Variants in EPB41L2 observed in about 807,000 individuals in gnomAD.
The protein encoded by EPB41L2 is erythrocyte membrane protein band 4.1 like 2.
A neutral mutation model predicts 113.0 loss-of-function variants in EPB41L2; 43 were observed. The ratio of observed to expected loss-of-function variants is 0.38; its 90% CI spans 0.30 to 0.49. The LOEUF is 0.49. Ranked by LOEUF, EPB41L2 falls within the 20% of genes least tolerant of loss-of-function variation. EPB41L2 has a pLI of 0.95. For missense variants in EPB41L2, 1,147 were observed against 1,223.4 expected (o/e 0.94, Z 0.93); for synonymous variants, 442 against 436.7 (o/e 1.01, Z -0.15).
At chr6:130,882,453 T>C (rs1789622519) in intron 12 of EPB41L2, 1 of 152,614 alleles carries the variant, frequency 6.6e-6, no homozygotes, top group African/African-American at 2.4e-5. Context: ...CACTCTATAT[T>C]AGGAAGGGTT....
At chr6:130,931,005 G>A (rs1216710154) in intron 3 of EPB41L2, among the ~76,000 whole-genome samples, 3 of 152,044 alleles carry the variant, frequency 2.0e-5, no homozygotes, top group Admixed American at 6.6e-5. Context: ...CTGGAAGATA[G>A]ATCTGAAAAA....
chr6:130,885,266 G>A lies in EPB41L2; in HGVS notation c.1663C>T (p.Pro555Ser), dbSNP rs540854380. 6.2e-7 allele frequency: 1 copy of A among 1,614,032 alleles called. No individual in the cohort carries two copies. The highest frequency in any genetic ancestry group is 8.5e-7 in the Non-Finnish European group (1 of 1,179,974). ...AGACTTTGGTCCATGACACCAATCG[G>A]AGCTAGTAAAGAGTGACAATTTTGG... ...KRVSRSLDGA[P>S]IGVMDQSLMK... Residue 555 changes from proline (P) to serine (S), a missense_variant and splice_region_variant, in exon 12 of 20, where the codon CCG (proline) becomes TCG (serine). Pro to Ser is a moderately conservative substitution (Grantham distance 74, BLOSUM62 -1). Coordinates refer to ENST00000337057, the MANE Select transcript of EPB41L2 (RefSeq NM_001431.4).
At chr6:130,897,242 T>C (rs1794934150) in intron 8 of EPB41L2, among the ~76,000 whole-genome samples, 1 of 152,106 alleles carries the variant, frequency 6.6e-6, no homozygotes, top group Admixed American at 6.5e-5. Flanking sequence ...AAAATCTGAT[T>C]TTAAGGCAAT....
In EPB41L2 at chr6:131,061,018, G is replaced by A. The variant is rs189357383; in HGVS notation, c.-15+2137C>T. ...TTTTTAAGGATCACCATGCAACGTA[G>A]ATATATGAAGAGTTCGAGGGACGTG... On this transcript the variant is annotated intron_variant, in intron 1 of 19. Transcript: ENST00000337057. Among the ~76,000 whole-genome samples the A allele has an allele frequency of 1.3e-3, 203 of 152,294 alleles. 1 individual carries two copies. Among genetic ancestry groups the A allele is most frequent in the East Asian group, 1.5e-3 (8 of 5,192 alleles).
chr6:130,848,197 TCTCACA>T (rs1471683312), intron 19 of EPB41L2, among the ~76,000 whole-genome samples: 3,157 of 127,628 alleles, frequency 0.025, 58 homozygotes, highest in African/African-American at 0.057. Context: ...TCTCTCTCTC[TCTCACA>T]CACACACACA....
At chr6:130,953,264 C>T (rs1025233659) in intron 3 of EPB41L2, among the ~76,000 whole-genome samples, 3 of 152,080 alleles carry the variant, frequency 2.0e-5, no homozygotes, top group Admixed American at 2.0e-4. Context: ...CCTAAGACCT[C>T]TCCTCTCTCC....
intron 5 of EPB41L2, among the ~76,000 whole-genome samples, chr6:130,905,909 T>C (rs1797585270): frequency 6.6e-6 from 1 of 152,208 alleles, no homozygotes; most frequent in Non-Finnish European, 1.5e-5. Context: ...AATGCATTTT[T>C]TGCTGGATTT....
At chr6:130,946,345 A>T (rs1379347792) in intron 3 of EPB41L2, among the ~76,000 whole-genome samples, 1 of 152,198 alleles carries the variant, frequency 6.6e-6, no homozygotes, top group Non-Finnish European at 1.5e-5. Context: ...ATCATTTAAA[A>T]ATGCACTGTT....
chr6:130,916,267 GTTAA>G (rs896255972), intron 4 of EPB41L2, among the ~76,000 whole-genome samples: 6 of 151,996 alleles, frequency 3.9e-5, no homozygotes, highest in African/African-American at 1.2e-4. Flanking sequence ...CTTTCTATTA[GTTAA>G]TTAGAGAATC....
chr6:130,861,874 C>CCAAA (rs1554238944), intron 18 of EPB41L2, among the ~76,000 whole-genome samples: 2 of 120,676 alleles, frequency 1.7e-5, no homozygotes, highest in Non-Finnish European at 1.7e-5. Context: ...TCCATCTCCC[C>CCAAA]AAAAAAAAAA....
At chr6:130,871,624 A>G (rs1005675985) in intron 14 of EPB41L2, among the ~76,000 whole-genome samples, 5 of 152,204 alleles carry the variant, frequency 3.3e-5, no homozygotes, top group African/African-American at 9.7e-5. Flanking sequence ...ATTATTCTTA[A>G]ACACATGGTA....
chr6:130,880,084 T>G, intron 13 of EPB41L2, 60 bp downstream of exon 13: 1 of 1,308,676 alleles, frequency 7.6e-7, no homozygotes, highest in South Asian at 1.2e-5. Context: ...AGGCGTGACC[T>G]CCCGTCCACA....
intron 3 of EPB41L2, among the ~76,000 whole-genome samples, chr6:130,953,800 T>C: frequency 6.6e-6 from 1 of 151,964 alleles, no homozygotes; most frequent in Non-Finnish European, 1.5e-5. Flanking sequence ...ACACAGCACT[T>C]GGCCTTTCCA....
At chr6:130,881,192 T>TAGAATAAATAAAC (rs1249121235) in intron 12 of EPB41L2, 1 of 152,208 alleles carries the variant, frequency 6.6e-6, no homozygotes, top group African/African-American at 2.4e-5. Flanking sequence ...GACTCCCTTA[T>TAGAATAAATAAAC]CAAAGGCAAA....
intron 1 of EPB41L2, among the ~76,000 whole-genome samples, chr6:131,044,258 C>T (rs1008770540): frequency 1.3e-5 from 2 of 151,496 alleles, no homozygotes; most frequent in African/African-American, 4.9e-5. Flanking sequence ...ACTCCTGGGC[C>T]GAAGTGATCC....
chr6:130,894,981 C>T lies in EPB41L2; in HGVS notation c.1375G>A (p.Val459Ile). The change falls in exon 9 of 20, where the codon GTC becomes ATC. Residue 459 changes from valine to isoleucine, a missense_variant. Transcript: ENST00000337057. ...TCTTGGCTTACCTCTGCCGGTCTGA[C>T]TTTAATGTAGAAGTTACTGCGTTTA... ...SYKRSNFYIKVRPAELEQFES... is the reference protein window; with the variant it reads ...SYKRSNFYIKIRPAELEQFES... The T allele has an allele frequency of 6.2e-7, 1 of 1,613,590 alleles. No individual in the cohort carries two copies. The highest frequency in any genetic ancestry group is 1.1e-5 in the South Asian group (1 of 91,000).
intron 18 of EPB41L2, among the ~76,000 whole-genome samples, chr6:130,859,510 C>CAA (rs780156217): frequency 1.8e-3 from 187 of 102,564 alleles, no homozygotes; most frequent in Middle Eastern, 5.5e-3. Flanking sequence ...GACTTTGTCT[C>CAA]AAAAAAAAAA....
intron 1 of EPB41L2, among the ~76,000 whole-genome samples, chr6:131,019,121 T>C (rs554839463): frequency 6.6e-6 from 1 of 152,356 alleles, no homozygotes; most frequent in South Asian, 2.1e-4. Flanking sequence ...ATCTTTACAA[T>C]ATCAAGCATT....
intron 3 of EPB41L2, among the ~76,000 whole-genome samples, chr6:130,931,802 G>A (rs1248279818): frequency 1.3e-5 from 2 of 152,024 alleles, no homozygotes; most frequent in Non-Finnish European, 2.9e-5. Context: ...CCGAGATTCT[G>A]GTATGTTCCA....
Sources: gnomAD v4.1 joint callset for allele counts (sites outside exome capture counted in the v4.1 genomes callset) on GRCh38, gnomAD v4.1.1 for gene constraint, MANE v1.5 for transcripts, NCBI Gene and HGNC (gene_info 2026-07-23, HGNC 2026-07-21) for gene names.